BTBD9: variants seen among roughly 807,000 people sequenced by gnomAD.
The protein encoded by BTBD9 is BTB domain containing 9.
A neutral mutation model predicts 64.3 loss-of-function variants in BTBD9; 49 were observed. The observed-to-expected ratio is 0.76, with a 90% CI of 0.61 to 0.97. BTBD9 has a LOEUF of 0.97. BTBD9 is among the 50% of genes least tolerant of loss of function. The pLI is 0.00. For missense variants in BTBD9, 598 were observed against 762.1 expected (o/e 0.78, Z 2.53); for synonymous variants, 260 against 274.7 (o/e 0.95, Z 0.53).
intron 4 of BTBD9, 40 bp downstream of exon 4, chr6:38,592,536 C>G: frequency 6.2e-7 from 1 of 1,604,448 alleles, no homozygotes; most frequent in Non-Finnish European, 8.5e-7. Context: ...GAGAGGCATA[C>G]CAAGCTTCTT....
At chr6:38,584,536 T>C (rs1236424580) in intron 4 of BTBD9, among the ~76,000 whole-genome samples, 1 of 152,164 alleles carries the variant, frequency 6.6e-6, no homozygotes, top group African/African-American at 2.4e-5. Context: ...TTAATTACCT[T>C]GTGCTTTTCT....
At chr6:38,347,632 C>G (rs527926716) in intron 6 of BTBD9, among the ~76,000 whole-genome samples, 1 of 152,302 alleles carries the variant, frequency 6.6e-6, no homozygotes, top group East Asian at 1.9e-4. Flanking sequence ...ATATAAAGAT[C>G]TAGCCTAGAA....
At chr6:38,344,855 T>C (rs2127589796) in intron 7 of BTBD9, 129 bp downstream of exon 7, 1 of 504,516 alleles carries the variant, frequency 2.0e-6, no homozygotes, top group Admixed American at 3.2e-5. Flanking sequence ...ATTCCCTATG[T>C]CACCTAGCAA....
At chr6:38,390,158 G>A (rs1766349860) in intron 6 of BTBD9, among the ~76,000 whole-genome samples, 1 of 152,166 alleles carries the variant, frequency 6.6e-6, no homozygotes, top group East Asian at 1.9e-4. Flanking sequence ...TCGGGATGTA[G>A]AGATACTTCC....
intron 8 of BTBD9, among the ~76,000 whole-genome samples, chr6:38,281,785 A>G (rs931076080): frequency 6.6e-6 from 1 of 152,234 alleles, no homozygotes; most frequent in Non-Finnish European, 1.5e-5. Context: ...CTATCTAAAC[A>G]GTCTTATCTT....
At chr6:38,505,964 CAAAA>C (rs59014161) in intron 6 of BTBD9, among the ~76,000 whole-genome samples, 16,637 of 82,838 alleles carry the variant, frequency 0.2, 2,085 homozygotes, top group East Asian at 0.49. Flanking sequence ...TCCGTCTCAA[CAAAA>C]AAAAAAAAAA....
At chr6:38,638,042 G>A (rs1227878240) in intron 1 of BTBD9, among the ~76,000 whole-genome samples, 1 of 152,162 alleles carries the variant, frequency 6.6e-6, no homozygotes, top group African/African-American at 2.4e-5. Context: ...AGTCGTCTTG[G>A]TATATCCTCC....
At chr6:38,466,036 T>C (rs935765856) in intron 6 of BTBD9, among the ~76,000 whole-genome samples, 1 of 150,836 alleles carries the variant, frequency 6.6e-6, no homozygotes, top group African/African-American at 2.4e-5. Context: ...TAGTTTCAAG[T>C]TCCTGGTTTC....
At chr6:38,508,848 C>T (rs1474015719) in intron 6 of BTBD9, among the ~76,000 whole-genome samples, 2 of 152,152 alleles carry the variant, frequency 1.3e-5, no homozygotes, top group African/African-American at 4.8e-5. Context: ...ATTCTGTATT[C>T]ATACCCTCCC....
intron 6 of BTBD9, among the ~76,000 whole-genome samples, chr6:38,524,316 CTAAT>C (rs1280098402): frequency 6.6e-6 from 1 of 151,944 alleles, no homozygotes; most frequent in Non-Finnish European, 1.5e-5. Flanking sequence ...CAGGAAAAAA[CTAAT>C]TATTACATAT....
At chr6:38,610,377 T>C (rs1777574552) in intron 1 of BTBD9, among the ~76,000 whole-genome samples, 1 of 152,182 alleles carries the variant, frequency 6.6e-6, no homozygotes, top group Non-Finnish European at 1.5e-5. Context: ...ATTTAAGTAA[T>C]TAAAGAAGGT....
chr6:38,338,401 C>G (rs1215438408), intron 7 of BTBD9, among the ~76,000 whole-genome samples: 1 of 152,026 alleles, frequency 6.6e-6, no homozygotes, highest in East Asian at 1.9e-4. Flanking sequence ...GTAAATGAAA[C>G]CACGGAAAGC....
At chr6:38,328,072 T>C (rs1400927105) in intron 7 of BTBD9, among the ~76,000 whole-genome samples, 2 of 152,248 alleles carry the variant, frequency 1.3e-5, no homozygotes, top group African/African-American at 4.8e-5. Context: ...TTTTCTGATT[T>C]TAAAAGTAAC....
At position 38,361,963 on chromosome 6, in the gene BTBD9, C is replaced by T. The variant is rs115343598; in HGVS notation, c.1155-16870G>A. 2.9e-3 allele frequency among the ~76,000 whole-genome samples: 448 copies of T among 152,208 alleles called. 1 individual carries two copies. The highest frequency in any genetic ancestry group is 0.01 in the African/African-American group (421 of 41,524). ...TCCTTTGGATTAACAGACTGCTGGT[C>T]TACTTTTTCAATGTAGAGGACCCAA... On this transcript the variant is annotated intron_variant, in intron 6 of 10. Coordinates refer to ENST00000481247, the MANE Select transcript of BTBD9 (RefSeq NM_001099272.2).
intron 4 of BTBD9, chr6:38,588,296 C>T (rs1486185658): frequency 2.7e-6 from 3 of 1,103,720 alleles, no homozygotes; most frequent in Admixed American, 1.7e-5. Flanking sequence ...CAGTACCAGG[C>T]AAGCAATTAT....
At position 38,338,405 on chromosome 6, in the gene BTBD9, G is replaced by A. The variant is rs1418074225; in HGVS notation, c.1264+6579C>T. On this transcript the variant is annotated intron_variant, in intron 7 of 10. Coordinates refer to ENST00000481247, the MANE Select transcript of BTBD9 (RefSeq NM_001099272.2). ...GTTGACTACAGGTAAATGAAACCAC[G>A]GAAAGCAAAACCACAGATAAGGGGG... 5.3e-5 allele frequency among the ~76,000 whole-genome samples: 8 copies of A among 152,162 alleles called. No homozygotes were observed. In the South Asian group the frequency reaches 1.2e-3, roughly 24 times the overall value.
intron 9 of BTBD9, among the ~76,000 whole-genome samples, chr6:38,197,619 G>A (rs913631483): frequency 2.6e-5 from 4 of 152,204 alleles, no homozygotes; most frequent in Non-Finnish European, 4.4e-5. Flanking sequence ...ACCATTTGGG[G>A]TTGTGAGGAC....
intron 6 of BTBD9, among the ~76,000 whole-genome samples, chr6:38,543,349 T>A (rs568699752): frequency 7.2e-5 from 11 of 152,360 alleles, no homozygotes; most frequent in African/African-American, 1.9e-4. Context: ...TTACCTTGCT[T>A]ACTGATTTAT....
In BTBD9 at chr6:38,302,503, A is replaced by G. The variant is rs867140292; in HGVS notation, c.1265-14042T>C. The stretch of plus-strand genomic sequence containing the variant: ...TGTGTATGTATATATATATATATAT[A>G]TATATATATATATATATATATCACA... On this transcript the variant is annotated intron_variant, in intron 7 of 10. Transcript: ENST00000481247. Among the ~76,000 whole-genome samples the G allele has an allele frequency of 9.4e-4, 126 of 134,602 alleles. 1 individual carries two copies. The East Asian group carries it at 0.011, about 12-fold the overall frequency. 88.3% of individuals were successfully genotyped at this position (134,602 alleles called of 152,430 possible).
Sources: gnomAD v4.1 joint callset for allele counts (sites outside exome capture counted in the v4.1 genomes callset) on GRCh38, gnomAD v4.1.1 for gene constraint, MANE v1.5 for transcripts, NCBI Gene and HGNC (gene_info 2026-07-23, HGNC 2026-07-21) for gene names.